The following PACS1 variants were observed in gnomAD, a reference collection of about 807,000 sequenced individuals.
The protein encoded by PACS1 is PACS-1.
Under a neutral mutation model 115.0 loss-of-function variants are expected in PACS1, and 24 were observed. The observed-to-expected ratio is 0.21, with a 90% CI of 0.15 to 0.29. PACS1 has a LOEUF of 0.29. PACS1 is among the 10% of genes least tolerant of loss of function. The pLI is 1.00. For missense variants in PACS1, 838 were observed against 1,251.2 expected (o/e 0.67, Z 4.98); for synonymous variants, 453 against 504.5 (o/e 0.90, Z 1.37).
intron 10 of PACS1, among the ~76,000 whole-genome samples, chr11:66,223,649 G>A (rs1855407408): frequency 6.6e-6 from 1 of 152,092 alleles, no homozygotes; most frequent in Admixed American, 6.5e-5. Context: ...AAGATACCTG[G>A]GAGCTGGCTG....
At chr11:66,184,042 T>G (rs1320842300) in intron 1 of PACS1, among the ~76,000 whole-genome samples, 1 of 152,148 alleles carries the variant, frequency 6.6e-6, no homozygotes, top group Non-Finnish European at 1.5e-5. Context: ...ACCATCATTT[T>G]GATTTGGGGT....
chr11:66,073,598 AGTT>A (rs1857347642), intron 1 of PACS1, among the ~76,000 whole-genome samples: 1 of 152,198 alleles, frequency 6.6e-6, no homozygotes, highest in Non-Finnish European at 1.5e-5. Context: ...AGAGCAGTGT[AGTT>A]GTTCTTCAGG....
chr11:66,113,439 T>C (rs1464435060), intron 1 of PACS1, among the ~76,000 whole-genome samples: 4 of 152,224 alleles, frequency 2.6e-5, no homozygotes, highest in African/African-American at 4.8e-5. Flanking sequence ...TATCTTCAGA[T>C]ATGCTATTGG....
chr11:66,211,861 G>A (rs1323173107), intron 4 of PACS1, among the ~76,000 whole-genome samples: 1 of 152,164 alleles, frequency 6.6e-6, no homozygotes, highest in Non-Finnish European at 1.5e-5. Context: ...ATTATGTGCC[G>A]CATATCACTG....
chr11:66,152,123 A>G (rs1859253808), intron 1 of PACS1, among the ~76,000 whole-genome samples: 1 of 152,156 alleles, frequency 6.6e-6, no homozygotes, highest in Admixed American at 6.5e-5. Context: ...AGTGCCAGCT[A>G]CTTGGGAGGC....
intron 2 of PACS1, among the ~76,000 whole-genome samples, chr11:66,197,495 G>A (rs189202017): frequency 4.6e-5 from 7 of 152,194 alleles, no homozygotes; most frequent in Admixed American, 3.3e-4. Context: ...AGTATCAAAG[G>A]AAAATAGTCC....
chr11:66,122,940 C>T (rs1242769647), intron 1 of PACS1, among the ~76,000 whole-genome samples: 1 of 152,172 alleles, frequency 6.6e-6, no homozygotes, highest in Non-Finnish European at 1.5e-5. Context: ...TTTGAGAGAA[C>T]TGAATCCAAT....
rs71270571 is a variant in PACS1 at position 66,136,262 on chromosome 11, A to AACAC, written c.357-57203_357-57200dup. 7.9e-3 allele frequency among the ~76,000 whole-genome samples: 1,131 copies of AACAC among 143,738 alleles called. 12 individuals are homozygous for AACAC. Among genetic ancestry groups the AACAC allele is most frequent in the East Asian group, 0.028 (137 of 4,938 alleles). The allele number at this position is 143,738 out of a possible 152,430, so 94.3% of individuals were successfully genotyped here. ...TGAAACAGGACTGCCCAATCCCGCT[A>AACAC]ACACACACACACACACACACACACG... On this transcript the variant is annotated intron_variant, in intron 1 of 23. Coordinates refer to ENST00000320580, the MANE Select transcript of PACS1 (RefSeq NM_018026.4).
chr11:66,175,140 C>T (rs1355155692), intron 1 of PACS1, among the ~76,000 whole-genome samples: 3 of 149,376 alleles, frequency 2.0e-5, no homozygotes, highest in East Asian at 2.0e-4. Flanking sequence ...TCTGCCTGGG[C>T]GACAGAGCAA....
At chr11:66,201,074 C>T (rs566673697) in intron 2 of PACS1, among the ~76,000 whole-genome samples, 1 of 152,178 alleles carries the variant, frequency 6.6e-6, no homozygotes, top group South Asian at 2.1e-4. Flanking sequence ...CAAAAATTAG[C>T]TGGGCGTGGT....
intron 1 of PACS1, among the ~76,000 whole-genome samples, chr11:66,125,288 C>T (rs1321751095): frequency 1.3e-5 from 2 of 151,976 alleles, no homozygotes; most frequent in Non-Finnish European, 1.5e-5. Flanking sequence ...CAAAAACCTA[C>T]GGAAATAAAA....
chr11:66,225,616 A>G (rs1855456345), intron 10 of PACS1, among the ~76,000 whole-genome samples: 1 of 152,208 alleles, frequency 6.6e-6, no homozygotes, highest in South Asian at 2.1e-4. Flanking sequence ...TTTATTTGTC[A>G]ATTATAGCTT....
chr11:66,232,823 G>A lies in PACS1; in HGVS notation c.1732-137G>A, dbSNP rs1260703196. 2.8e-5 allele frequency: 19 copies of A among 675,848 alleles called. No homozygotes were observed. In the East Asian group the frequency reaches 4.6e-4, roughly 16 times the overall value. 41.9% of individuals were successfully genotyped at this position (675,848 alleles called of 1,614,324 possible). On this transcript the variant is annotated intron_variant, in intron 14 of 23. Transcript: ENST00000320580. ...TTACTGGCAGTCCGGAGACCTGGCT[G>A]CCTTTGCCCAGCTTCGGTCTGAACT...
chr11:66,234,706 T>A (rs1216772888), intron 17 of PACS1, among the ~76,000 whole-genome samples: 1 of 152,082 alleles, frequency 6.6e-6, no homozygotes, highest in Non-Finnish European at 1.5e-5. Context: ...AGCAAGACCC[T>A]GTCTCTACAA....
chr11:66,105,122 A>G (rs557794235), intron 1 of PACS1, among the ~76,000 whole-genome samples: 1 of 152,144 alleles, frequency 6.6e-6, no homozygotes, highest in African/African-American at 2.4e-5. Context: ...ATTAAGCAGC[A>G]GTTAAAACTA....
At chr11:66,201,622 GAAAAA>G (rs1292645831) in intron 2 of PACS1, among the ~76,000 whole-genome samples, 1 of 138,080 alleles carries the variant, frequency 7.2e-6, no homozygotes, top group Non-Finnish European at 1.6e-5. Context: ...AAATGAAATT[GAAAAA>G]AAAAAGTCAA....
intron 1 of PACS1, among the ~76,000 whole-genome samples, chr11:66,098,512 T>C (rs1447565173): frequency 6.6e-6 from 1 of 152,242 alleles, no homozygotes. Flanking sequence ...CTAGCACCCT[T>C]AAATATTTCA....
intron 1 of PACS1, among the ~76,000 whole-genome samples, chr11:66,072,180 T>A (rs1389996453): frequency 6.6e-6 from 1 of 151,750 alleles, no homozygotes; most frequent in African/African-American, 2.4e-5. Flanking sequence ...GGTTTTTTTA[T>A]TTTTTTTTAA....
At chr11:66,108,768 AAGAAAGAG>A (rs973941709) in intron 1 of PACS1, among the ~76,000 whole-genome samples, 6 of 152,134 alleles carry the variant, frequency 3.9e-5, no homozygotes, top group South Asian at 4.2e-4. Flanking sequence ...TTGTCTCAAA[AAGAAAGAG>A]AGAAAGAGAG....
Sources: gnomAD v4.1 joint callset for allele counts (sites outside exome capture counted in the v4.1 genomes callset) on GRCh38, gnomAD v4.1.1 for gene constraint, MANE v1.5 for transcripts, NCBI Gene and HGNC (gene_info 2026-07-23, HGNC 2026-07-21) for gene names.